PDSS2: variants seen among roughly 807,000 people sequenced by gnomAD.
PDSS2 encodes the protein all trans-polyprenyl-diphosphate synthase PDSS2.
Under a neutral mutation model 44.5 loss-of-function variants are expected in PDSS2, and 31 were observed. The observed-to-expected ratio is 0.70, with a 90% confidence interval of 0.52 to 0.94. PDSS2 has a LOEUF of 0.94. Among genes scored for constraint, PDSS2 ranks in the 40% least tolerant of loss-of-function variants. PDSS2 has a pLI of 0.00. For synonymous variants in PDSS2, 157 were observed against 180.3 expected (o/e 0.87, Z 1.03); for missense variants, 452 against 482.2 (o/e 0.94, Z 0.59).
At chr6:107,252,801 A>T (rs944170995) in intron 3 of PDSS2, among the ~76,000 whole-genome samples, 3 of 152,180 alleles carry the variant, frequency 2.0e-5, no homozygotes, top group Non-Finnish European at 2.9e-5. Flanking sequence ...TTAAAATCGC[A>T]ACTGATACAA....
At position 107,210,552 on chromosome 6, in the gene PDSS2, G is replaced by T. The variant is rs1262872037; in HGVS notation, c.895C>A (p.Pro299Thr). ...MSHKINSDVQ[P>T]FIKEKTSDSM... ...TCACTGGTCTTTTCTTTAATAAAAG[G>T]CTGGACATCAGAATTTATCTACAAG... Residue 299 changes from proline to threonine, a missense_variant, in exon 6 of 8, where the codon CCT (proline) becomes ACT (threonine). Coordinates refer to ENST00000369037, the MANE Select transcript of PDSS2 (RefSeq NM_020381.4). 6.3e-7 allele frequency: 1 copy of T among 1,596,180 alleles called. No individual in the cohort carries two copies. The highest frequency in any genetic ancestry group is 1.1e-5 in the South Asian group (1 of 90,752).
intron 4 of PDSS2, among the ~76,000 whole-genome samples, chr6:107,239,763 T>G (rs1013307631): frequency 2.0e-5 from 3 of 146,716 alleles, no homozygotes; most frequent in Non-Finnish European, 3.0e-5. Context: ...TGCCTCAGCC[T>G]CCCAAGTAGC....
chr6:107,291,874 A>T (rs1776361007), intron 2 of PDSS2, among the ~76,000 whole-genome samples: 1 of 152,052 alleles, frequency 6.6e-6, no homozygotes, highest in African/African-American at 2.4e-5. Context: ...GAAAAAAGAA[A>T]AATGCCAAGG....
In PDSS2 at chr6:107,206,197, G is replaced by A. The variant is rs553202828; in HGVS notation, c.1008+4242C>T. Among the ~76,000 whole-genome samples the A allele has an allele frequency of 2.8e-4, 43 of 152,158 alleles. 2 individuals are homozygous for A. The highest frequency in any genetic ancestry group is 8.9e-4 in the African/African-American group (37 of 41,518). On this transcript the variant is annotated intron_variant, in intron 6 of 7. Coordinates refer to ENST00000369037, the MANE Select transcript of PDSS2 (RefSeq NM_020381.4). The stretch of plus-strand genomic sequence containing the variant: ...AGTGATTCTCCTGTCTCAGCCTCCC[G>A]AGTAGCTGGGATTACAGGCATGCGC...
intron 1 of PDSS2, among the ~76,000 whole-genome samples, chr6:107,406,354 C>T (rs1015367900): frequency 4.6e-5 from 7 of 152,170 alleles, no homozygotes; most frequent in African/African-American, 1.7e-4. Flanking sequence ...AACTAGCCTT[C>T]CTTACTCTAC....
intron 7 of PDSS2, among the ~76,000 whole-genome samples, chr6:107,165,404 C>A (rs1771306961): frequency 6.6e-6 from 1 of 152,168 alleles, no homozygotes; most frequent in Non-Finnish European, 1.5e-5. Context: ...TTTCCCAGCA[C>A]CATTTATTAA....
intron 4 of PDSS2, among the ~76,000 whole-genome samples, chr6:107,244,411 C>G (rs1329832447): frequency 6.6e-6 from 1 of 152,142 alleles, no homozygotes; most frequent in African/African-American, 2.4e-5. Flanking sequence ...TGGAACTAGA[C>G]CAGTAGTCAC....
chr6:107,372,509 T>C (rs1779156447), intron 1 of PDSS2, among the ~76,000 whole-genome samples: 1 of 152,210 alleles, frequency 6.6e-6, no homozygotes, highest in African/African-American at 2.4e-5. Context: ...TGGAGGGCAG[T>C]TGCGCGATCT....
chr6:107,261,584 T>C (rs1395273503), intron 3 of PDSS2, among the ~76,000 whole-genome samples: 1 of 149,604 alleles, frequency 6.7e-6, no homozygotes, highest in Admixed American at 6.6e-5. Flanking sequence ...CTTTCTTTTT[T>C]TTTTTTTTTT....
chr6:107,260,044 C>A (rs1236275646), intron 3 of PDSS2, among the ~76,000 whole-genome samples: 1 of 152,190 alleles, frequency 6.6e-6, no homozygotes, highest in Non-Finnish European at 1.5e-5. Context: ...TGACAACAAA[C>A]AATTTAATGA....
At chr6:107,264,263 A>C (rs1052004044) in intron 3 of PDSS2, 2 of 1,353,690 alleles carry the variant, frequency 1.5e-6, no homozygotes, top group Non-Finnish European at 1.9e-6. Flanking sequence ...ATATTTGTAC[A>C]AACAAAATAC....
At chr6:107,171,910 C>T (rs1226719313) in intron 7 of PDSS2, among the ~76,000 whole-genome samples, 1 of 152,190 alleles carries the variant, frequency 6.6e-6, no homozygotes, top group African/African-American at 2.4e-5. Flanking sequence ...CTTTCCAAAT[C>T]TTCAAGCCCT....
intron 4 of PDSS2, among the ~76,000 whole-genome samples, chr6:107,223,118 T>G (rs1773670578): frequency 6.6e-6 from 1 of 150,870 alleles, no homozygotes; most frequent in African/African-American, 2.5e-5. Context: ...CCAGATAATT[T>G]TTTGTATCTT....
chr6:107,157,166 C>G (rs1375623559), intron 7 of PDSS2, among the ~76,000 whole-genome samples: 1 of 151,918 alleles, frequency 6.6e-6, no homozygotes, highest in Non-Finnish European at 1.5e-5. Context: ...CCTCACTTTT[C>G]CCCCCTTTTC....
At chr6:107,418,667 C>T (rs1320357941) in intron 1 of PDSS2, among the ~76,000 whole-genome samples, 2 of 152,020 alleles carry the variant, frequency 1.3e-5, no homozygotes, top group East Asian at 1.9e-4. Context: ...CCCAGCTACT[C>T]GGGAGGCTGA....
chr6:107,402,401 C>T (rs1259614717), intron 1 of PDSS2, among the ~76,000 whole-genome samples: 2 of 48,416 alleles, frequency 4.1e-5, no homozygotes, highest in Non-Finnish European at 8.5e-5. Context: ...TCTGTTCTCA[C>T]AATAAAGATA....
intron 1 of PDSS2, among the ~76,000 whole-genome samples, chr6:107,406,435 A>T (rs1441059532): frequency 6.6e-6 from 1 of 152,164 alleles, no homozygotes; most frequent in Non-Finnish European, 1.5e-5. Context: ...ACCTTTTTAT[A>T]GTCTAAATCA....
At chr6:107,329,217 C>G (rs890298787) in intron 2 of PDSS2, among the ~76,000 whole-genome samples, 16 of 152,192 alleles carry the variant, frequency 1.1e-4, no homozygotes, top group Non-Finnish European at 1.5e-5. Context: ...GCTTACTATG[C>G]CATGCAGTAT....
intron 1 of PDSS2, among the ~76,000 whole-genome samples, chr6:107,361,392 G>A (rs988950277): frequency 6.6e-5 from 10 of 152,160 alleles, no homozygotes; most frequent in South Asian, 2.1e-4. Flanking sequence ...AACAGGCAAC[G>A]TGCTGCCACA....
Sources: gnomAD v4.1 joint callset for allele counts (sites outside exome capture counted in the v4.1 genomes callset) on GRCh38, gnomAD v4.1.1 for gene constraint, MANE v1.5 for transcripts, NCBI Gene and HGNC (gene_info 2026-07-23, HGNC 2026-07-21) for gene names.